The following PIP5K1B variants were observed in gnomAD, a reference collection of about 807,000 sequenced individuals.
PIP5K1B encodes the protein phosphatidylinositol 4-phosphate 5-kinase type-1 beta.
A neutral mutation model predicts 67.0 loss-of-function variants in PIP5K1B; 42 were observed. The ratio of observed to expected loss-of-function variants is 0.63; its 90% confidence interval spans 0.49 to 0.81. The LOEUF is 0.81. Among genes scored for constraint, PIP5K1B ranks in the 30% least tolerant of loss-of-function variants. The pLI is 0.00. For missense variants in PIP5K1B, 459 were observed against 646.3 expected, an observed-to-expected ratio of 0.71 and a Z score of 3.14; for synonymous variants, 214 against 231.4, an observed-to-expected ratio of 0.92 and a Z score of 0.68.
intron 13 of PIP5K1B, among the ~76,000 whole-genome samples, chr9:68,938,113 T>C (rs184163253): frequency 2.2e-4 from 33 of 152,318 alleles, no homozygotes; most frequent in African/African-American, 7.2e-4. Flanking sequence ...GTCTATTAGG[T>C]CCGCTTGGTC....
rs565226659 is a variant in PIP5K1B at position 68,960,939 on chromosome 9, G to A, written c.1502+20149G>A. 2.2e-3 allele frequency among the ~76,000 whole-genome samples: 330 copies of A among 152,082 alleles called. 1 individual carries two copies. Among genetic ancestry groups the A allele is most frequent in the African/African-American group, 7.4e-3 (308 of 41,476 alleles). On this transcript the variant is annotated intron_variant, in intron 14 of 15. Transcript: ENST00000265382. ...TAAAAGCGTGTCACCGGCCGGGCGC[G>A]GTGGCTCACGCCTGTAATCCCAGCA...
intron 2 of PIP5K1B, among the ~76,000 whole-genome samples, chr9:68,777,313 A>AT (rs1412383389): frequency 2.0e-5 from 3 of 152,244 alleles, no homozygotes; most frequent in African/African-American, 7.2e-5. Context: ...TATTAAGCAT[A>AT]TAACAGAGAA....
chr9:68,738,497 C>G (rs1035463559), intron 1 of PIP5K1B, among the ~76,000 whole-genome samples: 1 of 152,146 alleles, frequency 6.6e-6, no homozygotes, highest in African/African-American at 2.4e-5. Context: ...TTCCTGTCAC[C>G]ACCATAAACT....
At chr9:68,707,936 G>A (rs1827199780) in intron 1 of PIP5K1B, 1 of 152,046 alleles carries the variant, frequency 6.6e-6, no homozygotes, top group East Asian at 1.9e-4. Context: ...TCCAACTTTA[G>A]CATTTTGTGA....
At chr9:68,970,575 T>TC (rs1452622631) in intron 14 of PIP5K1B, among the ~76,000 whole-genome samples, 7 of 152,262 alleles carry the variant, frequency 4.6e-5, no homozygotes, top group Non-Finnish European at 1.0e-4. Flanking sequence ...TGAACTTTAT[T>TC]CCCTCACTAT....
intron 14 of PIP5K1B, among the ~76,000 whole-genome samples, chr9:68,977,471 T>C (rs1481790336): frequency 6.6e-6 from 1 of 152,134 alleles, no homozygotes; most frequent in Admixed American, 6.5e-5. Flanking sequence ...TGCAGTGAGC[T>C]GAGATTGGGC....
At chr9:68,751,264 A>G (rs1217315751) in intron 2 of PIP5K1B, among the ~76,000 whole-genome samples, 2 of 152,238 alleles carry the variant, frequency 1.3e-5, no homozygotes, top group Non-Finnish European at 2.9e-5. Flanking sequence ...TGGTAGTTGT[A>G]ATTTTATGAT....
chr9:68,839,906 C>T (rs1221821056), intron 4 of PIP5K1B, among the ~76,000 whole-genome samples: 2 of 152,210 alleles, frequency 1.3e-5, no homozygotes, highest in African/African-American at 2.4e-5. Context: ...GTTATAAACT[C>T]ATCACCCATT....
intron 4 of PIP5K1B, among the ~76,000 whole-genome samples, chr9:68,847,264 C>T (rs1437160094): frequency 6.6e-6 from 1 of 150,714 alleles, no homozygotes. Context: ...TTTGCAGTCT[C>T]TTGGGATAGG....
intron 4 of PIP5K1B, among the ~76,000 whole-genome samples, chr9:68,849,404 G>T (rs1019504194): frequency 6.6e-6 from 1 of 152,132 alleles, no homozygotes; most frequent in African/African-American, 2.4e-5. Context: ...TTTTGAGATA[G>T]GGTCTCCCTC....
At chr9:68,939,813 A>T (rs535671939) in intron 13 of PIP5K1B, among the ~76,000 whole-genome samples, 1 of 152,286 alleles carries the variant, frequency 6.6e-6, no homozygotes, top group South Asian at 2.1e-4. Context: ...TTACACACTA[A>T]AAATCTCTAA....
chr9:68,815,328 A>G (rs1438584598), intron 2 of PIP5K1B, among the ~76,000 whole-genome samples: 2 of 151,960 alleles, frequency 1.3e-5, no homozygotes, highest in Non-Finnish European at 2.9e-5. Flanking sequence ...TTTAAGAATC[A>G]GAAGAAAGAA....
intron 2 of PIP5K1B, among the ~76,000 whole-genome samples, chr9:68,816,504 G>A (rs1319614797): frequency 6.6e-6 from 1 of 152,196 alleles, no homozygotes; most frequent in Non-Finnish European, 1.5e-5. Context: ...AAAACAGTCA[G>A]CATGGGGAAG....
At chr9:68,895,653 T>C (rs1260307186) in intron 8 of PIP5K1B, among the ~76,000 whole-genome samples, 1 of 152,244 alleles carries the variant, frequency 6.6e-6, no homozygotes, top group African/African-American at 2.4e-5. Context: ...ATTTCTTCCT[T>C]TCTGCCTGTT....
intron 3 of PIP5K1B, among the ~76,000 whole-genome samples, chr9:68,819,018 C>T (rs890032522): frequency 1.3e-5 from 2 of 152,132 alleles, no homozygotes; most frequent in Non-Finnish European, 2.9e-5. Context: ...GACGATGTCT[C>T]GCTGTGTCTT....
intron 14 of PIP5K1B, among the ~76,000 whole-genome samples, chr9:68,963,692 G>A (rs1319336224): frequency 6.6e-6 from 1 of 151,982 alleles, no homozygotes; most frequent in East Asian, 1.9e-4. Flanking sequence ...CCCAGATCAG[G>A]GACCTTTACA....
intron 15 of PIP5K1B, among the ~76,000 whole-genome samples, chr9:69,005,114 G>GT (rs35604006): frequency 0.24 from 36,118 of 149,998 alleles, 5,120 homozygotes; most frequent in Non-Finnish European, 0.32. Context: ...GACATCCTTA[G>GT]TTTAAAAAAA....
In PIP5K1B at chr9:68,733,313, G is replaced by A. The variant is rs552084883; in HGVS notation, c.-242-9188G>A. On this transcript the variant is annotated intron_variant, in intron 1 of 15. Transcript: ENST00000265382. ...TGTTCCACCAAAGCGTGTGAGCCAGGCTGGCATTGGGCTCCAAACTGCAGA... is the reference window on the plus strand; with the variant it reads ...TGTTCCACCAAAGCGTGTGAGCCAGACTGGCATTGGGCTCCAAACTGCAGA... Among the ~76,000 whole-genome samples, 10 of 152,294 alleles carry A rather than the reference G, an allele frequency of 6.6e-5. No homozygotes were observed. The East Asian group carries it at 1.9e-3, about 29-fold the overall frequency.
rs570091272 is a variant in PIP5K1B at position 68,988,557 on chromosome 9, C to T, written c.1503-2583C>T. On this transcript the variant is annotated intron_variant, in intron 14 of 15. Coordinates refer to ENST00000265382, the MANE Select transcript of PIP5K1B (RefSeq NM_003558.4). ...CTCTGCCTCCCGGCTTCAAATGATTCTCCTGCCTCAGCCTCCTGAGTAGCT... is the reference window on the plus strand; with the variant it reads ...CTCTGCCTCCCGGCTTCAAATGATTTTCCTGCCTCAGCCTCCTGAGTAGCT... 3.4e-5 allele frequency among the ~76,000 whole-genome samples: 5 copies of T among 144,962 alleles called. 1 individual carries two copies. The highest frequency in any genetic ancestry group is 2.9e-4 in the Admixed American group (4 of 13,676).
Sources: allele counts gnomAD v4.1 joint callset (sites outside exome capture counted in the v4.1 genomes callset), GRCh38; gene constraint gnomAD v4.1.1; transcripts MANE v1.5; gene names NCBI Gene and HGNC (gene_info 2026-07-23, HGNC 2026-07-21).